The following HSP90AB1 variants were observed in gnomAD, a reference collection of about 807,000 sequenced individuals.
HSP90AB1 encodes the protein heat shock protein 90 alpha family class B member 1, also known as heat shock protein HSP 90-beta.
HSP90AB1 carries 17 observed loss-of-function variants against 67.8 expected under a neutral mutation model. The observed-to-expected ratio is 0.25, with a 90% CI of 0.17 to 0.38. The LOEUF (loss-of-function observed/expected upper bound fraction) is 0.38, where lower values mean the gene tolerates loss of function less well. HSP90AB1 is among the 10% of genes least tolerant of loss of function. The pLI, the probability that HSP90AB1 is intolerant of heterozygous loss-of-function variation, is 1.00. For missense variants in HSP90AB1, 690 were observed against 899.9 expected, an observed-to-expected ratio of 0.77 and a Z score of 2.98; for synonymous variants, 390 against 312.9, an observed-to-expected ratio of 1.25 and a Z score of -2.60.
chr6:44,250,991 T>G (rs981517038), intron 6 of HSP90AB1, 57 bp from the exon 7 acceptor site: 2 of 1,405,210 alleles, frequency 1.4e-6, no homozygotes, highest in Non-Finnish European at 2.0e-6. Context: ...GATAATTTGG[T>G]GTTGGGGCTA....
chr6:44,248,509 A>T, intron 1 of HSP90AB1, 121 bp from the exon 2 acceptor site: 2 of 797,074 alleles, frequency 2.5e-6, no homozygotes. Context: ...GGGAAGGGAT[A>T]GTACTCCGGT....
rs148217245 is a variant in HSP90AB1, at chr6:44,253,789, C to T, written c.*191C>T. ...CCCATTCCCTCTCTACTCTTGACAG[C>T]AGGATTGGATGTTGTGTATTGTGGT... On this transcript the variant is annotated 3_prime_UTR_variant, in exon 12 of 12. Coordinates refer to ENST00000371646, the MANE Select transcript of HSP90AB1 (RefSeq NM_007355.4). 2 of 775,914 alleles carry T rather than the reference C, an allele frequency of 2.6e-6. No homozygotes were observed. The highest frequency in any genetic ancestry group is 1.7e-5 in the African/African-American group (1 of 59,218). 48.1% of individuals were successfully genotyped at this position (775,914 alleles called of 1,614,324 possible). A position where few individuals can be genotyped will look rare whatever the true frequency, so the allele number is the denominator to read the frequency against.
intron 10 of HSP90AB1, 86 bp from the exon 11 acceptor site, chr6:44,252,959 T>A: frequency 9.0e-7 from 1 of 1,115,464 alleles, no homozygotes; most frequent in Non-Finnish European, 1.3e-6. Context: ...GTCCACCTCC[T>A]CCCCCTGCTG....
At chr6:44,251,712 GT>G (rs772824401) in intron 8 of HSP90AB1, 24 bp from the exon 9 acceptor site, 1 of 1,607,844 alleles carries the variant, frequency 6.2e-7, no homozygotes, top group South Asian at 1.1e-5. Flanking sequence ...AAGCTGGATT[GT>G]TTTTCCTCTT....
At position 44,253,179 on chromosome 6, in the gene HSP90AB1, C is replaced by T; in HGVS notation, c.1866C>T (p.Ala622=). ...ACTCCACCATGGGCTATATGATGGCCAAAAAGCACCTGGAGATCAACCCTG... is the reference window on the plus strand; with the variant it reads ...ACTCCACCATGGGCTATATGATGGCTAAAAAGCACCTGGAGATCAACCCTG... ...RDNSTMGYMM[A]KKHLEINPDH... is the part of the protein sequence containing the mutation. The change falls in exon 11 of 12, where the codon GCC becomes GCT. Residue 622 remains alanine, a synonymous_variant. Coordinates refer to ENST00000371646, the MANE Select transcript of HSP90AB1 (RefSeq NM_007355.4). 2 of 1,614,134 alleles carry T rather than the reference C, an allele frequency of 1.2e-6. No homozygotes were observed. Among genetic ancestry groups the T allele is most frequent in the Non-Finnish European group, 1.7e-6 (2 of 1,180,020 alleles).
Position 44,248,769 on chromosome 6 carries a change from C to T in HSP90AB1, c.140C>T (p.Ala47Val). ...TTCCTTCGGGAGTTGATCTCTAATG[C>T]TTCTGATGTAGGTGCTCTGGTTTCC... ...EIFLRELISN[A>V]SDALDKIRYE... The change falls in exon 2 of 12, where the codon GCT becomes GTT. Residue 47 changes from alanine (A) to valine (V), a missense_variant. By Grantham distance (64) the Ala-to-Val change is moderately conservative. Transcript: ENST00000371646. 6.2e-7 allele frequency: 1 copy of T among 1,611,772 alleles called. No individual in the cohort carries two copies. The highest frequency in any genetic ancestry group is 8.5e-7 in the Non-Finnish European group (1 of 1,179,192).
Position 44,251,765 on chromosome 6 carries a change from G to A in HSP90AB1, c.1343G>A (p.Arg448His), listed in dbSNP as rs1339214249. The A allele has an allele frequency of 4.3e-6, 7 of 1,613,338 alleles. No homozygotes were observed. Among genetic ancestry groups the A allele is most frequent in the Non-Finnish European group, 5.9e-6 (7 of 1,179,938 alleles). ...GGAATCCACGAAGACTCCACTAACC[G>A]CCGCCGCCTGTCTGAGCTGCTGCGC... is the stretch of plus-strand genomic sequence containing the variant. ...KLGIHEDSTNRRRLSELLRYH... is the reference protein window; with the variant it reads ...KLGIHEDSTNHRRLSELLRYH... The change falls in exon 9 of 12, where the codon CGC becomes CAC. Residue 448 changes from arginine to histidine, a missense_variant. Around this residue, in one of 7 missense-constraint regions of HSP90AB1, gnomAD observed 206 missense variants for 221.4 expected, o/e 0.93. Coordinates refer to ENST00000371646, the MANE Select transcript of HSP90AB1 (RefSeq NM_007355.4).
rs1407889530 is a variant in HSP90AB1, at chr6:44,251,100, G to A, written c.1010G>A (p.Arg337His). 5 of 1,614,032 alleles carry A rather than the reference G, an allele frequency of 3.1e-6. No homozygotes were observed. Among genetic ancestry groups the A allele is most frequent in the East Asian group, 2.2e-5 (1 of 44,884 alleles). The change falls in exon 7 of 12, where the codon CGT becomes CAT. Residue 337 changes from arginine to histidine, a missense_variant. This residue lies in a region of HSP90AB1 where 101 missense variants were observed against 174.8 expected (regional missense o/e 0.58). Coordinates refer to ENST00000371646, the MANE Select transcript of HSP90AB1 (RefSeq NM_007355.4). ...LEFRALLFIP[R>H]RAPFDLFENK... ...TTCAGGGCATTGCTATTTATTCCTC[G>A]TCGGGCTCCCTTTGACCTTTTTGAG...
rs1357106752 is a variant in HSP90AB1, at chr6:44,253,777, T to C, written c.*179T>C. 1 of 776,760 alleles carries C rather than the reference T, an allele frequency of 1.3e-6. No individual in the cohort carries two copies. Among genetic ancestry groups the C allele is most frequent in the East Asian group, 2.4e-5 (1 of 41,064 alleles). 48.1% of individuals were successfully genotyped at this position (776,760 alleles called of 1,614,324 possible). On this transcript the variant is annotated 3_prime_UTR_variant, in exon 12 of 12. Transcript: ENST00000371646. ...AGGGTGTCAAGCCCCATTCCCTCTC[T>C]ACTCTTGACAGCAGGATTGGATGTT... is the stretch of plus-strand genomic sequence containing the variant.
rs769398411 is a variant in HSP90AB1 at position 44,253,861 on chromosome 6, A to G, written c.*263A>G. 148 of 709,576 alleles carry G rather than the reference A, an allele frequency of 2.1e-4. No homozygotes were observed. Among genetic ancestry groups the G allele is most frequent in the South Asian group, 1.1e-3 (77 of 72,930 alleles). The allele number at this position is 709,576 out of a possible 1,614,324, so 44.0% of individuals were successfully genotyped here. On this transcript the variant is annotated 3_prime_UTR_variant, in exon 12 of 12. Transcript: ENST00000371646. ...GTTCTGAAATTAAAGTATGCAAAAT[A>G]AAGAATATGCCGTTTTTATACAGTT...
Position 44,248,643 on chromosome 6 carries a change from T to C in HSP90AB1, c.14T>C (p.Val5Ala), listed in dbSNP as rs1388092317. The C allele has an allele frequency of 1.9e-6, 3 of 1,607,764 alleles. No individual in the cohort carries two copies. Among genetic ancestry groups the C allele is most frequent in the Non-Finnish European group, 2.5e-6 (3 of 1,178,290 alleles). The change falls in exon 2 of 12, where the codon GTG becomes GCG. Residue 5 changes from valine to alanine, a missense_variant. Physicochemically the swap from Val to Ala is moderately conservative, Grantham distance 64. This residue lies in a region of HSP90AB1 where 25 missense variants were observed against 18.0 expected (regional missense o/e 1.39). Transcript: ENST00000371646. Reference sequence around the variant, plus strand: ...TTTTTATTTTAGATGCCTGAGGAAGTGCACCATGGAGAGGAGGAGGTGGAG... The same window carrying C: ...TTTTTATTTTAGATGCCTGAGGAAGCGCACCATGGAGAGGAGGAGGTGGAG... MPEE[V>A]HHGEEEVETF...
In HSP90AB1 at chr6:44,250,097, G is replaced by A. The variant is rs2153319576; in HGVS notation, c.591G>A (p.Arg197=). The A allele has an allele frequency of 6.2e-7, 1 of 1,614,080 alleles. No homozygotes were observed. The highest frequency in any genetic ancestry group is 1.3e-5 in the African/African-American group (1 of 75,016). ...AGACAGAGTACCTAGAAGAGAGGCG[G>A]GTCAAAGAAGTAGTGAAGAAGCATT... ...EDQTEYLEER[R]VKEVVKKHSQ... Residue 197 remains arginine, a synonymous_variant, in exon 5 of 12, where the codon CGG becomes CGA. Transcript: ENST00000371646.
At chr6:44,248,566 C>G (rs911333400) in intron 1 of HSP90AB1, 64 bp from the exon 2 acceptor site, 1 of 1,480,870 alleles carries the variant, frequency 6.8e-7, no homozygotes, top group Non-Finnish European at 9.3e-7. Flanking sequence ...AATGATATGA[C>G]CTTTAGGATT....
chr6:44,251,224 C>T lies in HSP90AB1; in HGVS notation c.1123+11C>T. On this transcript the variant is annotated intron_variant, in intron 7 of 11. Coordinates refer to ENST00000371646, the MANE Select transcript of HSP90AB1 (RefSeq NM_007355.4). ...TACCAGAGTATCTCAGTGAGTATCT[C>T]CTTGGCCTAATTTAGTTGGGTGAAG... 13 of 1,613,688 alleles carry T rather than the reference C, an allele frequency of 8.1e-6. No individual in the cohort carries two copies. The highest frequency in any genetic ancestry group is 1.1e-5 in the Non-Finnish European group (13 of 1,179,616).
At chr6:44,251,389 C>T in intron 7 of HSP90AB1, 29 bp from the exon 8 acceptor site, 2 of 1,588,372 alleles carry the variant, frequency 1.3e-6, no homozygotes, top group Non-Finnish European at 1.7e-6. Context: ...CTGTTTTTTA[C>T]TGAGCTTTCT....
Position 44,253,750 on chromosome 6 carries a change from T to A in HSP90AB1, c.*152T>A. On this transcript the variant is annotated 3_prime_UTR_variant, in exon 12 of 12. Transcript: ENST00000371646. ...TGTCCTTGTGTTGAAGGCAGTAAAC[T>A]AAGGGTGTCAAGCCCCATTCCCTCT... The A allele has an allele frequency of 1.3e-6, 1 of 781,120 alleles. No homozygotes were observed. The highest frequency in any genetic ancestry group is 1.4e-5 in the South Asian group (1 of 73,788). The allele number at this position is 781,120 out of a possible 1,614,324, so 48.4% of individuals were successfully genotyped here. A position where few individuals can be genotyped will look rare whatever the true frequency, so the allele number is the denominator to read the frequency against.
Position 44,253,581 on chromosome 6 carries a change from A to G in HSP90AB1, c.2158A>G (p.Met720Val), listed in dbSNP as rs1382476976. Residue 720 changes from methionine (M) to valine (V), a missense_variant, in exon 12 of 12, where the codon ATG (methionine) becomes GTG (valine). Coordinates refer to ENST00000371646, the MANE Select transcript of HSP90AB1 (RefSeq NM_007355.4). ...PLEGDEDASR[M>V]EEVD Reference sequence around the variant, plus strand: ...CGAGGGCGATGAGGATGCGTCTCGCATGGAAGAAGTCGATTAGGTTAGGAG... The same window carrying G: ...CGAGGGCGATGAGGATGCGTCTCGCGTGGAAGAAGTCGATTAGGTTAGGAG... The G allele has an allele frequency of 9.3e-6, 15 of 1,613,754 alleles. No individual in the cohort carries two copies. Among genetic ancestry groups the G allele is most frequent in the Non-Finnish European group, 1.3e-5 (15 of 1,179,614 alleles).
Position 44,251,843 on chromosome 6 carries a change from C to T in HSP90AB1, c.1421C>T (p.Ser474Phe), listed in dbSNP as rs1457293576. Residue 474 changes from serine to phenylalanine, a missense_variant, in exon 9 of 12, where the codon TCT becomes TTT. This residue lies in a region of HSP90AB1 where 206 missense variants were observed against 221.4 expected (regional missense o/e 0.93). Coordinates refer to ENST00000371646, the MANE Select transcript of HSP90AB1 (RefSeq NM_007355.4). ...DEMTSLSEYVSRMKETQKSIY... is the reference protein window; with the variant it reads ...DEMTSLSEYVFRMKETQKSIY... ...ATGACATCTCTGTCAGAGTATGTTT[C>T]TCGCATGAAGGAGACACAGAAGTCC... 2 of 1,613,012 alleles carry T rather than the reference C, an allele frequency of 1.2e-6. No homozygotes were observed. Among genetic ancestry groups the T allele is most frequent in the Non-Finnish European group, 1.7e-6 (2 of 1,180,040 alleles).
chr6:44,251,517 T>C lies in HSP90AB1; in HGVS notation c.1223T>C (p.Ile408Thr). Residue 408 changes from isoleucine (I) to threonine (T), a missense_variant, in exon 8 of 12, where the codon ATT (isoleucine) becomes ACT (threonine). Coordinates refer to ENST00000371646, the MANE Select transcript of HSP90AB1 (RefSeq NM_007355.4). ...SKILKVIRKN[I>T]VKKCLELFSE... ...ATCTTGAAAGTCATTCGCAAAAACA[T>C]TGTTAAGAAGTGCCTTGAGCTCTTC... 1.9e-6 allele frequency: 3 copies of C among 1,612,380 alleles called. No individual in the cohort carries two copies. The highest frequency in any genetic ancestry group is 2.5e-6 in the Non-Finnish European group (3 of 1,178,662).
Sources: allele counts gnomAD v4.1 joint callset, GRCh38; gene constraint gnomAD v4.1.1; regional missense constraint gnomAD v4.1.1; transcripts MANE v1.5; gene names NCBI Gene and HGNC (gene_info 2026-07-23, HGNC 2026-07-21).